Variants in GRIA4 observed in about 807,000 individuals in gnomAD.
The protein encoded by GRIA4 is glutamate receptor 4.
Under a neutral mutation model 104.0 loss-of-function variants are expected in GRIA4, and 34 were observed. That is an observed-to-expected ratio of 0.33 (90% confidence interval 0.25 to 0.44). The LOEUF is 0.44. GRIA4 is among the 20% of genes least tolerant of loss of function. The pLI, the probability that GRIA4 is intolerant of heterozygous loss-of-function variation, is 1.00. For synonymous variants in GRIA4, 386 were observed against 381.9 expected (o/e 1.01, Z -0.13); for missense variants, 750 against 1,096.5 (o/e 0.68, Z 4.46).
intron 3 of GRIA4, among the ~76,000 whole-genome samples, chr11:105,694,823 G>C (rs1953212329): frequency 6.6e-6 from 1 of 152,248 alleles, no homozygotes; most frequent in East Asian, 1.9e-4. Flanking sequence ...TTAAAATTCA[G>C]TTCTTTAATT....
chr11:105,816,768 T>C (rs953811745), intron 4 of GRIA4, among the ~76,000 whole-genome samples: 1 of 152,030 alleles, frequency 6.6e-6, no homozygotes, highest in African/African-American at 2.4e-5. Context: ...TCCCAGCAAG[T>C]TGGGAGGCCG....
At chr11:105,666,141 C>A (rs964775749) in intron 3 of GRIA4, among the ~76,000 whole-genome samples, 2 of 151,854 alleles carry the variant, frequency 1.3e-5, no homozygotes, top group African/African-American at 4.8e-5. Context: ...AACTTTAAAC[C>A]ATGGCCTCTG....
intron 14 of GRIA4, among the ~76,000 whole-genome samples, chr11:105,968,623 T>C (rs1252042982): frequency 2.6e-5 from 4 of 152,172 alleles, no homozygotes; most frequent in African/African-American, 4.8e-5. Context: ...AAAGCAGAAA[T>C]GCATGACTTG....
rs900804078 is a variant in GRIA4 at position 105,686,991 on chromosome 11, A to AT, written c.248-65982dup. Among the ~76,000 whole-genome samples, 6 of 151,698 alleles carry AT rather than the reference A, an allele frequency of 4.0e-5. No individual in the cohort carries two copies. The South Asian group carries it at 8.3e-4, about 21-fold the overall frequency. On this transcript the variant is annotated intron_variant, in intron 3 of 16. Transcript: ENST00000282499. ...CTTTGTTGGATGCTTAGTTAGTGAA[A>AT]TTTTTTTTCACATTTTGTAGGTTGA... is the stretch of plus-strand genomic sequence containing the variant.
At chr11:105,808,392 A>G (rs1943037798) in intron 4 of GRIA4, among the ~76,000 whole-genome samples, 2 of 152,186 alleles carry the variant, frequency 1.3e-5, no homozygotes, top group Admixed American at 1.3e-4. Context: ...GCAAAGAGAG[A>G]AGAGAGAGAA....
At position 105,902,316 on chromosome 11, in the gene GRIA4, CTTTCT is replaced by C. The variant is rs1002202899; in HGVS notation, c.886-1484_886-1480del. On this transcript the variant is annotated intron_variant, in intron 7 of 16. Coordinates refer to ENST00000282499, the MANE Select transcript of GRIA4 (RefSeq NM_000829.4). ...CTCATGGCCGTGTTGCCTAAGTTTACTTTCTTTTCTTTTCTTTTTTTTTTTTCTTT... is the reference window on the plus strand; with the variant it reads ...CTCATGGCCGTGTTGCCTAAGTTTACTTTCTTTTCTTTTTTTTTTTTCTTT... 7.3e-5 allele frequency among the ~76,000 whole-genome samples: 11 copies of C among 151,190 alleles called. No individual in the cohort carries two copies. In the South Asian group the frequency reaches 1.0e-3, roughly 14 times the overall value.
At chr11:105,657,210 G>A (rs1265113338) in intron 3 of GRIA4, among the ~76,000 whole-genome samples, 1 of 151,870 alleles carries the variant, frequency 6.6e-6, no homozygotes, top group Non-Finnish European at 1.5e-5. Flanking sequence ...AATTATTGTT[G>A]ATTAATATAA....
intron 4 of GRIA4, among the ~76,000 whole-genome samples, chr11:105,851,633 C>G (rs1315421055): frequency 6.6e-6 from 1 of 152,178 alleles, no homozygotes; most frequent in Non-Finnish European, 1.5e-5. Flanking sequence ...ACTCTCTTAG[C>G]GCAGGGAATA....
chr11:105,739,285 A>C lies in GRIA4; in HGVS notation c.248-13696A>C, dbSNP rs574211446. Among the ~76,000 whole-genome samples the C allele has an allele frequency of 5.9e-5, 9 of 152,226 alleles. No homozygotes were observed. The East Asian group carries it at 1.7e-3, about 29-fold the overall frequency. The stretch of plus-strand genomic sequence containing the variant: ...AAGAAATGTGCAAACAAGCCTGTAT[A>C]TTTTTACTGAGCTCTCAATTAGTTT... On this transcript the variant is annotated intron_variant, in intron 3 of 16. Transcript: ENST00000282499.
chr11:105,738,414 T>C (rs1207171479), intron 3 of GRIA4, among the ~76,000 whole-genome samples: 1 of 152,042 alleles, frequency 6.6e-6, no homozygotes, highest in Non-Finnish European at 1.5e-5. Context: ...TAAAGAATGG[T>C]AATTAAAGCA....
At chr11:105,657,760 T>C (rs1951886323) in intron 3 of GRIA4, among the ~76,000 whole-genome samples, 1 of 151,928 alleles carries the variant, frequency 6.6e-6, no homozygotes, top group African/African-American at 2.4e-5. Flanking sequence ...TTTTATTTGA[T>C]CATGATAGTA....
chr11:105,750,163 A>G (rs948118347), intron 3 of GRIA4, among the ~76,000 whole-genome samples: 2 of 152,220 alleles, frequency 1.3e-5, no homozygotes, highest in African/African-American at 4.8e-5. Context: ...CTATATTATA[A>G]TACTATATAT....
At chr11:105,962,130 A>G (rs1222821795) in intron 14 of GRIA4, among the ~76,000 whole-genome samples, 4 of 152,222 alleles carry the variant, frequency 2.6e-5, no homozygotes, top group Admixed American at 2.6e-4. Context: ...ATTTTATCAG[A>G]TATACACTTT....
At chr11:105,871,255 A>G (rs1393429054) in intron 5 of GRIA4, among the ~76,000 whole-genome samples, 3 of 152,108 alleles carry the variant, frequency 2.0e-5, no homozygotes, top group Non-Finnish European at 4.4e-5. Context: ...AGTGTAACTA[A>G]TCCAAGTAGG....
chr11:105,894,419 C>T (rs1946569540), intron 6 of GRIA4, among the ~76,000 whole-genome samples: 4 of 152,058 alleles, frequency 2.6e-5, no homozygotes, highest in Admixed American at 2.0e-4. Flanking sequence ...TATCTCATAA[C>T]CTTGTTATGA....
intron 9 of GRIA4, 72 bp from the exon 10 acceptor site, chr11:105,910,363 C>T (rs2044203920): frequency 4.0e-6 from 3 of 758,320 alleles, no homozygotes; most frequent in Non-Finnish European, 7.1e-6. Context: ...TATTCATACC[C>T]TTCATTTTTC....
At chr11:105,780,780 T>C (rs1443558298) in intron 4 of GRIA4, among the ~76,000 whole-genome samples, 1 of 152,132 alleles carries the variant, frequency 6.6e-6, no homozygotes, top group African/African-American at 2.4e-5. Flanking sequence ...AATTCAACAA[T>C]GAAAATCATG....
At position 105,885,465 on chromosome 11, in the gene GRIA4, T is replaced by C. The variant is rs924688230; in HGVS notation, c.673-2054T>C. The stretch of plus-strand genomic sequence containing the variant: ...ATGTAAAATATTATAAATGCATAGC[T>C]GAACTTCCAAGACAGTAAAGAAAAT... On this transcript the variant is annotated intron_variant, in intron 5 of 16. Coordinates refer to ENST00000282499, the MANE Select transcript of GRIA4 (RefSeq NM_000829.4). Among the ~76,000 whole-genome samples the C allele has an allele frequency of 2.0e-5, 3 of 152,182 alleles. No individual in the cohort carries two copies. In the East Asian group the frequency reaches 5.8e-4, roughly 29 times the overall value.
chr11:105,633,486 C>G (rs769877703), intron 3 of GRIA4, among the ~76,000 whole-genome samples: 3 of 152,008 alleles, frequency 2.0e-5, no homozygotes, highest in Admixed American at 6.6e-5. Flanking sequence ...TGTACTAAAC[C>G]CTTAGTAAAT....
Sources: gnomAD v4.1 joint callset for allele counts (sites outside exome capture counted in the v4.1 genomes callset) on GRCh38, gnomAD v4.1.1 for gene constraint, MANE v1.5 for transcripts, NCBI Gene and HGNC (gene_info 2026-07-23, HGNC 2026-07-21) for gene names.